Variants in UGT8 observed in about 807,000 individuals in gnomAD.
UGT8 encodes the protein UDP glycosyltransferase 8, also known as 2-hydroxyacylsphingosine 1-beta-galactosyltransferase.
UGT8 carries 12 observed loss-of-function variants against 40.5 expected under a neutral mutation model. That is an observed-to-expected ratio of 0.30 (90% CI 0.19 to 0.48). The LOEUF is 0.48. Ranked by LOEUF, UGT8 falls within the 20% of genes least tolerant of loss-of-function variation. The pLI, the probability that UGT8 is intolerant of heterozygous loss-of-function variation, is 0.99. For synonymous variants in UGT8, 224 were observed against 240.4 expected (o/e 0.93, Z 0.63); for missense variants, 513 against 648.7 (o/e 0.79, Z 2.27).
chr4:114,608,437 G>A (rs1365368692), intron 1 of UGT8, among the ~76,000 whole-genome samples: 1 of 151,998 alleles, frequency 6.6e-6, no homozygotes, highest in Non-Finnish European at 1.5e-5. Flanking sequence ...AGGCAATAAG[G>A]GTAAGTTTCC....
At chr4:114,642,596 T>G (rs1247024294) in intron 2 of UGT8, among the ~76,000 whole-genome samples, 2 of 152,204 alleles carry the variant, frequency 1.3e-5, no homozygotes, top group Non-Finnish European at 2.9e-5. Context: ...TCACCCAGCA[T>G]GGACAGCTGA....
At chr4:114,640,774 A>G (rs1427737290) in intron 2 of UGT8, among the ~76,000 whole-genome samples, 1 of 152,192 alleles carries the variant, frequency 6.6e-6, no homozygotes, top group African/African-American at 2.4e-5. Flanking sequence ...TTTAAAAATC[A>G]TCAGATCTTG....
At chr4:114,662,254 G>A (rs1342159883) in intron 2 of UGT8, among the ~76,000 whole-genome samples, 1 of 152,100 alleles carries the variant, frequency 6.6e-6, no homozygotes, top group African/African-American at 2.4e-5. Flanking sequence ...ACTTCCATTA[G>A]CCTACACTTG....
At chr4:114,668,038 G>T (rs750606355) in intron 4 of UGT8, 47 bp from the exon 5 acceptor site, 27 of 1,594,512 alleles carry the variant, frequency 1.7e-5, no homozygotes, top group Non-Finnish European at 2.1e-5. Context: ...AATCTCTTCT[G>T]TAGAGTAATA....
rs1735657674 is a variant in UGT8 at position 114,676,542 on chromosome 4, T to A, written c.*254T>A. On this transcript the variant is annotated 3_prime_UTR_variant, in exon 6 of 6. Coordinates refer to ENST00000310836, the MANE Select transcript of UGT8 (RefSeq NM_001128174.3). The stretch of plus-strand genomic sequence containing the variant: ...CTTTTAGAAGCCTTAATTATTTAAA[T>A]CAATTCAGTGACTGTGTCAGACCTT... 5.4e-6 allele frequency: 2 copies of A among 371,088 alleles called. No individual in the cohort carries two copies. Among genetic ancestry groups the A allele is most frequent in the South Asian group, 8.9e-5 (2 of 22,562 alleles). 23.0% of individuals were successfully genotyped at this position (371,088 alleles called of 1,614,324 possible). A position where few individuals can be genotyped will look rare whatever the true frequency, so the allele number is the denominator to read the frequency against.
chr4:114,665,783 C>G, intron 4 of UGT8, 27 bp downstream of exon 4: 1 of 1,553,560 alleles, frequency 6.4e-7, no homozygotes, highest in Non-Finnish European at 8.7e-7. Flanking sequence ...TGGTTACTTA[C>G]TTGGCTGTTA....
intron 1 of UGT8, among the ~76,000 whole-genome samples, chr4:114,621,116 CA>C (rs1578413085): frequency 6.6e-6 from 1 of 152,136 alleles, no homozygotes; most frequent in East Asian, 1.9e-4. Context: ...TCTCTAAAAA[CA>C]ATAAAAGACA....
chr4:114,601,572 C>T (rs982115552), intron 1 of UGT8, among the ~76,000 whole-genome samples: 1 of 149,648 alleles, frequency 6.7e-6, no homozygotes, highest in Non-Finnish European at 1.5e-5. Context: ...CTCTTCACAC[C>T]GTTTATTACT....
intron 1 of UGT8, among the ~76,000 whole-genome samples, chr4:114,600,337 A>G (rs1730367776): frequency 6.6e-6 from 1 of 152,184 alleles, no homozygotes; most frequent in South Asian, 2.1e-4. Flanking sequence ...GTTTTTCAGT[A>G]TCAATGACGT....
At chr4:114,637,335 T>C (rs56085406) in intron 2 of UGT8, among the ~76,000 whole-genome samples, 17 of 152,320 alleles carry the variant, frequency 1.1e-4, no homozygotes, top group Non-Finnish European at 2.2e-4. Context: ...GAGAATAAAA[T>C]AGGCCGGACA....
At chr4:114,663,524 A>G (rs1734677376) in intron 2 of UGT8, among the ~76,000 whole-genome samples, 1 of 151,978 alleles carries the variant, frequency 6.6e-6, no homozygotes, top group Non-Finnish European at 1.5e-5. Flanking sequence ...TGAAGTAAGG[A>G]TGGTATTTCT....
At chr4:114,668,805 G>C (rs1735054073) in intron 5 of UGT8, among the ~76,000 whole-genome samples, 1 of 152,148 alleles carries the variant, frequency 6.6e-6, no homozygotes, top group South Asian at 2.1e-4. Flanking sequence ...CTAGCACTGA[G>C]TATTGCAGAA....
rs538087148 is a variant in UGT8 at position 114,625,910 on chromosome 4, A to G, written c.822+2208A>G. Among the ~76,000 whole-genome samples, 151 of 152,104 alleles carry G rather than the reference A, an allele frequency of 9.9e-4. 1 individual carries two copies. Among genetic ancestry groups the G allele is most frequent in the African/African-American group, 3.5e-3 (146 of 41,498 alleles). On this transcript the variant is annotated intron_variant, in intron 2 of 5. Coordinates refer to ENST00000310836, the MANE Select transcript of UGT8 (RefSeq NM_001128174.3). The stretch of plus-strand genomic sequence containing the variant: ...TGTGGAGTTCTTTTTCCTCTGGGCT[A>G]TTTGTAGTGGTTCTTTTGAAATGCG...
At chr4:114,619,307 G>A (rs1731627893) in intron 1 of UGT8, 1 of 151,952 alleles carries the variant, frequency 6.6e-6, no homozygotes, top group African/African-American at 2.4e-5. Context: ...CATGTTACAG[G>A]CAACAAATAT....
intron 5 of UGT8, among the ~76,000 whole-genome samples, chr4:114,672,622 G>A (rs7656139): frequency 0.67 from 101,811 of 151,706 alleles, 35,967 homozygotes; most frequent in East Asian, 0.95. Flanking sequence ...CAATGAGAAC[G>A]TATGGACACA....
chr4:114,670,552 A>G lies in UGT8; in HGVS notation c.1262+2248A>G, dbSNP rs558167753. On this transcript the variant is annotated intron_variant, in intron 5 of 5. Transcript: ENST00000310836. Reference sequence around the variant, plus strand: ...GGTAATCTATCACATAAACAGAACCAAAGACAAAAAAACACATGATTATCT... The same window carrying G: ...GGTAATCTATCACATAAACAGAACCGAAGACAAAAAAACACATGATTATCT... Among the ~76,000 whole-genome samples the G allele has an allele frequency of 1.5e-3, 221 of 152,202 alleles. 3 individuals carry two copies. The highest frequency in any genetic ancestry group is 4.6e-4 in the Non-Finnish European group (31 of 68,000).
In UGT8 at chr4:114,623,440, G is replaced by A. The variant is rs866951708; in HGVS notation, c.560G>A (p.Arg187His). 3.2e-5 allele frequency: 51 copies of A among 1,614,028 alleles called. No individual in the cohort carries two copies. Among genetic ancestry groups the A allele is most frequent in the Non-Finnish European group, 4.2e-5 (49 of 1,180,030 alleles). The change falls in exon 2 of 6, where the codon CGC becomes CAC. Residue 187 changes from arginine to histidine, a missense_variant. Physicochemically the swap from Arg to His is conservative, Grantham distance 29. Around this residue, in one of 3 missense-constraint regions of UGT8, gnomAD observed 335 missense variants for 444.8 expected, o/e 0.75. Transcript: ENST00000310836. Reference sequence around the variant, plus strand: ...GAGTTTAACTCACTCCTCACAGACCGCATGAACTTGCTGCAAAGGATGAAA... The same window carrying A: ...GAGTTTAACTCACTCCTCACAGACCACATGAACTTGCTGCAAAGGATGAAA... Reference protein sequence around the residue: ...VPEFNSLLTDRMNLLQRMKNT... With the variant: ...VPEFNSLLTDHMNLLQRMKNT...
intron 5 of UGT8, among the ~76,000 whole-genome samples, chr4:114,673,634 G>GTT (rs1735440696): frequency 6.6e-6 from 1 of 152,136 alleles, no homozygotes. Flanking sequence ...TAGAGAAAGG[G>GTT]TTATATACAC....
intron 2 of UGT8, among the ~76,000 whole-genome samples, chr4:114,647,293 A>G (rs1298745247): frequency 1.3e-5 from 2 of 151,818 alleles, no homozygotes; most frequent in African/African-American, 4.8e-5. Context: ...ATAACAACCA[A>G]TGCTCGTTGA....
Sources: gnomAD v4.1 joint callset for allele counts (sites outside exome capture counted in the v4.1 genomes callset) on GRCh38, gnomAD v4.1.1 for gene constraint, gnomAD v4.1.1 regional missense constraint, MANE v1.5 for transcripts, NCBI Gene and HGNC (gene_info 2026-07-23, HGNC 2026-07-21) for gene names.